RMDN2: variants seen among roughly 807,000 people sequenced by gnomAD.
The protein encoded by RMDN2 is regulator of microtubule dynamics protein 2.
A neutral mutation model predicts 52.8 loss-of-function variants in RMDN2; 61 were observed. The ratio of observed to expected loss-of-function variants is 1.16; its 90% CI spans 0.94 to 1.43. The LOEUF is 1.43. RMDN2 is among the 40% of genes most tolerant of loss of function. RMDN2 has a pLI of 0.00. For synonymous variants in RMDN2, 180 were observed against 153.1 expected (o/e 1.18, Z -1.30); for missense variants, 592 against 475.3 (o/e 1.25, Z -2.28).
At chr2:37,934,898 A>G (rs1045863367) in intron 2 of RMDN2, among the ~76,000 whole-genome samples, 1 of 152,176 alleles carries the variant, frequency 6.6e-6, no homozygotes, top group South Asian at 2.1e-4. Flanking sequence ...GAATTACAAT[A>G]TTATATGAAG....
chr2:37,958,982 C>G (rs1254753882), intron 2 of RMDN2, among the ~76,000 whole-genome samples: 1 of 151,020 alleles, frequency 6.6e-6, no homozygotes, highest in Non-Finnish European at 1.5e-5. Flanking sequence ...TTGAACCAGC[C>G]TCGCATCCTT....
intron 2 of RMDN2, among the ~76,000 whole-genome samples, chr2:37,969,575 T>G (rs1277792104): frequency 6.6e-6 from 1 of 151,934 alleles, no homozygotes; most frequent in Non-Finnish European, 1.5e-5. Flanking sequence ...TAGTTCTAAT[T>G]ACTTATATGT....
At chr2:38,003,597 T>TGGGC (rs1456651639) in intron 8 of RMDN2, among the ~76,000 whole-genome samples, 1 of 128,742 alleles carries the variant, frequency 7.8e-6, no homozygotes. Flanking sequence ...GATAGATAGA[T>TGGGC]AGATAGGCAG....
chr2:38,056,972 C>T (rs1187167479), intron 10 of RMDN2, among the ~76,000 whole-genome samples: 3 of 152,286 alleles, frequency 2.0e-5, no homozygotes, highest in South Asian at 2.1e-4. Flanking sequence ...GTTTCTGCTT[C>T]CTAGTGCCTT....
intron 7 of RMDN2, among the ~76,000 whole-genome samples, chr2:37,992,061 C>G (rs754228062): frequency 2.0e-5 from 3 of 152,190 alleles, no homozygotes; most frequent in Non-Finnish European, 4.4e-5. Flanking sequence ...AACACCTGCT[C>G]TATGCCAAAT....
intron 1 of RMDN2, among the ~76,000 whole-genome samples, chr2:37,928,444 G>A (rs1666459463): frequency 2.6e-5 from 4 of 152,180 alleles, no homozygotes; most frequent in Admixed American, 2.6e-4. Flanking sequence ...GCAGAGGATG[G>A]TGAATTTCGG....
chr2:37,958,653 G>C (rs950764759), intron 2 of RMDN2, among the ~76,000 whole-genome samples: 1 of 150,732 alleles, frequency 6.6e-6, no homozygotes, highest in Non-Finnish European at 1.5e-5. Flanking sequence ...TGGTTGCCCT[G>C]GCCAGAACTT....
intron 10 of RMDN2, among the ~76,000 whole-genome samples, chr2:38,008,704 A>G (rs1393059642): frequency 6.6e-6 from 1 of 152,154 alleles, no homozygotes; most frequent in Admixed American, 6.5e-5. Flanking sequence ...GCCCATTTAC[A>G]TTTAAAGTTA....
In RMDN2 at chr2:37,940,498, C is replaced by T. The variant is rs530812264; in HGVS notation, c.452+10769C>T. Among the ~76,000 whole-genome samples the T allele has an allele frequency of 2.4e-4, 36 of 152,298 alleles. 1 individual carries two copies. In the South Asian group the frequency reaches 3.7e-3, roughly 16 times the overall value. On this transcript the variant is annotated intron_variant, in intron 2 of 10. Coordinates refer to ENST00000354545, the MANE Select transcript of RMDN2 (RefSeq NM_001170791.3). Reference sequence around the variant, plus strand: ...GTGTTTTCCACCTTGGTTCGATTCTCGCTGTCACTTTCAGGTGCACCAAAC... The same window carrying T: ...GTGTTTTCCACCTTGGTTCGATTCTTGCTGTCACTTTCAGGTGCACCAAAC...
At chr2:37,970,102 T>G (rs532127288) in intron 2 of RMDN2, among the ~76,000 whole-genome samples, 1 of 152,146 alleles carries the variant, frequency 6.6e-6, no homozygotes, top group Non-Finnish European at 1.5e-5. Flanking sequence ...CCAGCTAATT[T>G]TTTAATTTTT....
intron 10 of RMDN2, among the ~76,000 whole-genome samples, chr2:38,005,041 T>G (rs372265503): frequency 6.6e-6 from 1 of 152,204 alleles, no homozygotes; most frequent in East Asian, 1.9e-4. Flanking sequence ...TCATTTTTTA[T>G]GGCTGCATAG....
chr2:38,007,579 A>G (rs774125804), intron 10 of RMDN2, among the ~76,000 whole-genome samples: 1 of 151,982 alleles, frequency 6.6e-6, no homozygotes, highest in Non-Finnish European at 1.5e-5. Flanking sequence ...TATTGCGTCT[A>G]TTTGATTCTT....
chr2:38,044,296 T>C (rs1288673480), intron 10 of RMDN2, among the ~76,000 whole-genome samples: 1 of 152,092 alleles, frequency 6.6e-6, no homozygotes, highest in Non-Finnish European at 1.5e-5. Flanking sequence ...TTCCTCTGAA[T>C]TCTTTCAAAG....
intron 2 of RMDN2, among the ~76,000 whole-genome samples, chr2:37,941,192 A>C (rs1667754821): frequency 6.6e-6 from 1 of 152,330 alleles, no homozygotes; most frequent in East Asian, 1.9e-4. Flanking sequence ...AGTCCACTGT[A>C]GACCCTGTTT....
At chr2:38,022,434 G>C (rs893752992), downstream of RMDN2, among the ~76,000 whole-genome samples, 3 of 152,156 alleles carry the variant, frequency 2.0e-5, no homozygotes, top group African/African-American at 7.2e-5. Flanking sequence ...GATTGTTCCT[G>C]CTAGATCACG....
intron 2 of RMDN2, among the ~76,000 whole-genome samples, chr2:37,937,151 T>C (rs1317833457): frequency 1.3e-5 from 2 of 152,206 alleles, no homozygotes; most frequent in African/African-American, 4.8e-5. Context: ...ACACCATTTA[T>C]TAAACAGGGA....
rs1273394693 is a variant in RMDN2, at chr2:37,929,498, A to C, written c.221A>C (p.Gln74Pro). Residue 74 changes from glutamine to proline, a missense_variant, in exon 2 of 11, where the codon CAG becomes CCG. Coordinates refer to ENST00000354545, the MANE Select transcript of RMDN2 (RefSeq NM_001170791.3). Reference sequence around the variant, plus strand: ...GTAATCTTTCAAGAAAGGCAACTTCAGATACTGGAGAAGTTAAACGAATTA... The same window carrying C: ...GTAATCTTTCAAGAAAGGCAACTTCCGATACTGGAGAAGTTAAACGAATTA... ...TTVIFQERQL[Q>P]ILEKLNELLT... The C allele has an allele frequency of 6.4e-7, 1 of 1,550,988 alleles. No homozygotes were observed. Among genetic ancestry groups the C allele is most frequent in the East Asian group, 2.4e-5 (1 of 40,924 alleles).
At position 37,932,837 on chromosome 2, in the gene RMDN2, C is replaced by T. The variant is rs1309169327; in HGVS notation, c.452+3108C>T. Among the ~76,000 whole-genome samples, 164 of 138,730 alleles carry T rather than the reference C, an allele frequency of 1.2e-3. 9 individuals are homozygous for T. The highest frequency in any genetic ancestry group is 2.0e-3 in the Non-Finnish European group (127 of 62,862). 91.0% of individuals were successfully genotyped at this position (138,730 alleles called of 152,430 possible). A position where few individuals can be genotyped will look rare whatever the true frequency, so the allele number is the denominator to read the frequency against. On this transcript the variant is annotated intron_variant, in intron 2 of 10. Coordinates refer to ENST00000354545, the MANE Select transcript of RMDN2 (RefSeq NM_001170791.3). ...GGGGCTGACCCCCCGACCTCCCTCC[C>T]GGACGGGGCGGCTGGCCGGGCGGGA... is the stretch of plus-strand genomic sequence containing the variant.
At chr2:37,971,099 TATG>T (rs960390547) in intron 2 of RMDN2, among the ~76,000 whole-genome samples, 1 of 152,116 alleles carries the variant, frequency 6.6e-6, no homozygotes, top group Non-Finnish European at 1.5e-5. Flanking sequence ...CACTTGTGCT[TATG>T]ATGTCATGTC....
Sources: gnomAD v4.1 joint callset for allele counts (sites outside exome capture counted in the v4.1 genomes callset) on GRCh38, gnomAD v4.1.1 for gene constraint, MANE v1.5 for transcripts, NCBI Gene and HGNC (gene_info 2026-07-23, HGNC 2026-07-21) for gene names.